Variants in SPATA17 observed in about 807,000 individuals in gnomAD.
The protein encoded by SPATA17 is spermatogenesis-associated protein 17.
In SPATA17, 53 loss-of-function variants were observed where a neutral mutation model predicts 62.2. The ratio of observed to expected loss-of-function variants is 0.85; its 90% CI spans 0.68 to 1.07. SPATA17 has a LOEUF of 1.07. Among genes scored for constraint, SPATA17 ranks in the 50% least tolerant of loss-of-function variants. The pLI is 0.00. For missense variants in SPATA17, 466 were observed against 425.5 expected (o/e 1.10, Z -0.84); for synonymous variants, 146 against 146.8 (o/e 0.99, Z 0.04).
intron 6 of SPATA17, among the ~76,000 whole-genome samples, chr1:217,771,818 G>A (rs1482492758): frequency 1.3e-5 from 2 of 148,586 alleles, no homozygotes; most frequent in Non-Finnish European, 3.0e-5. Context: ...TTCCCATCTA[G>A]CCTATGTATA....
At chr1:217,696,573 A>C (rs1183354616) in intron 5 of SPATA17, among the ~76,000 whole-genome samples, 1 of 152,210 alleles carries the variant, frequency 6.6e-6, no homozygotes, top group African/African-American at 2.4e-5. Flanking sequence ...TTCTAATATA[A>C]TTTTATGTTG....
intron 9 of SPATA17, among the ~76,000 whole-genome samples, chr1:217,837,128 C>T (rs1301518704): frequency 6.6e-6 from 1 of 151,964 alleles, no homozygotes; most frequent in African/African-American, 2.4e-5. Flanking sequence ...TTCTATATGT[C>T]TTCTGCATGA....
intron 5 of SPATA17, among the ~76,000 whole-genome samples, chr1:217,712,133 G>T (rs12729933): frequency 0.65 from 89,983 of 138,210 alleles, 29,616 homozygotes; most frequent in Non-Finnish European, 0.69. Context: ...ATGTTCTTTT[G>T]TTTTTTTTTT....
intron 7 of SPATA17, among the ~76,000 whole-genome samples, chr1:217,778,733 C>G (rs1050702199): frequency 1.3e-5 from 2 of 152,136 alleles, no homozygotes; most frequent in African/African-American, 4.8e-5. Flanking sequence ...ACAATATTCA[C>G]AACATTAACC....
At chr1:217,742,966 A>ATC (rs980135245) in intron 6 of SPATA17, among the ~76,000 whole-genome samples, 1 of 151,064 alleles carries the variant, frequency 6.6e-6, no homozygotes, top group African/African-American at 2.4e-5. Context: ...ATATATATAT[A>ATC]TATTAAATCC....
intron 9 of SPATA17, among the ~76,000 whole-genome samples, chr1:217,820,054 A>C (rs1400385098): frequency 6.6e-6 from 1 of 152,084 alleles, no homozygotes; most frequent in Non-Finnish European, 1.5e-5. Flanking sequence ...AACACCTGTG[A>C]TTGCAGACAA....
chr1:217,701,688 A>T (rs1369089776), intron 5 of SPATA17, among the ~76,000 whole-genome samples: 1 of 152,066 alleles, frequency 6.6e-6, no homozygotes, highest in Non-Finnish European at 1.5e-5. Flanking sequence ...CACCTGGCCT[A>T]TACTATTTTT....
intron 4 of SPATA17, 42 bp downstream of exon 4, chr1:217,669,125 G>T: frequency 6.4e-7 from 1 of 1,568,222 alleles, no homozygotes; most frequent in South Asian, 1.1e-5. Flanking sequence ...AAAGTCAATT[G>T]TGCCCTGAAT....
intron 5 of SPATA17, among the ~76,000 whole-genome samples, chr1:217,726,384 C>A (rs1441397897): frequency 6.6e-6 from 1 of 152,168 alleles, no homozygotes; most frequent in Non-Finnish European, 1.5e-5. Flanking sequence ...CAGTTGTCAA[C>A]CCAATCAGAA....
chr1:217,845,402 C>A (rs751631628), intron 9 of SPATA17, among the ~76,000 whole-genome samples: 29 of 152,190 alleles, frequency 1.9e-4, no homozygotes, highest in Non-Finnish European at 3.8e-4. Flanking sequence ...GCCCAACTCA[C>A]TTGCCCCATT....
At chr1:217,855,801 A>G (rs1675771097) in intron 9 of SPATA17, among the ~76,000 whole-genome samples, 2 of 144,490 alleles carry the variant, frequency 1.4e-5, no homozygotes, top group African/African-American at 5.2e-5. Flanking sequence ...ATCTCAGCTC[A>G]CTGCAACCTC....
At chr1:217,656,570 G>GTATGTAT (rs1670448698) in intron 3 of SPATA17, among the ~76,000 whole-genome samples, 1 of 151,884 alleles carries the variant, frequency 6.6e-6, no homozygotes, top group Non-Finnish European at 1.5e-5. Context: ...ATGTATGTAT[G>GTATGTAT]TATGTATGTA....
At chr1:217,769,422 C>T (rs1264872685) in intron 6 of SPATA17, among the ~76,000 whole-genome samples, 1 of 152,188 alleles carries the variant, frequency 6.6e-6, no homozygotes, top group Admixed American at 6.5e-5. Context: ...TTGAAATACC[C>T]TCTTATCTGC....
intron 4 of SPATA17, 73 bp from the exon 5 acceptor site, chr1:217,683,185 A>G: frequency 9.8e-7 from 1 of 1,025,006 alleles, no homozygotes. Context: ...TAATTACCTT[A>G]ATTTTGAAGT....
intron 9 of SPATA17, among the ~76,000 whole-genome samples, chr1:217,822,488 A>G (rs1022373003): frequency 6.6e-6 from 1 of 150,968 alleles, no homozygotes; most frequent in Non-Finnish European, 1.5e-5. Flanking sequence ...TATCCTGCCT[A>G]GGATTCCTTG....
At chr1:217,765,830 G>A (rs1329480070) in intron 6 of SPATA17, among the ~76,000 whole-genome samples, 1 of 151,906 alleles carries the variant, frequency 6.6e-6, no homozygotes, top group Non-Finnish European at 1.5e-5. Flanking sequence ...CACATATTTT[G>A]ATGCTTTGTT....
In SPATA17 at chr1:217,647,664, C is replaced by G. The variant is rs12403724; in HGVS notation, c.69-1218C>G. On this transcript the variant is annotated intron_variant, in intron 1 of 10. Coordinates refer to ENST00000366933, the MANE Select transcript of SPATA17 (RefSeq NM_138796.4). ...AGAAAAGGACTTTAAGCTGTTCTCC[C>G]TCCCACATGGAGGACAATAATATGA... Among the ~76,000 whole-genome samples, 3 of 152,074 alleles carry G rather than the reference C, an allele frequency of 2.0e-5. No homozygotes were observed. In the South Asian group the frequency reaches 6.2e-4, roughly 32 times the overall value.
At chr1:217,751,626 G>A (rs1012569694) in intron 6 of SPATA17, among the ~76,000 whole-genome samples, 3 of 152,124 alleles carry the variant, frequency 2.0e-5, no homozygotes, top group Non-Finnish European at 4.4e-5. Context: ...GAAAGGGATG[G>A]CATTATTATC....
intron 5 of SPATA17, among the ~76,000 whole-genome samples, chr1:217,687,519 T>A (rs966982442): frequency 6.6e-6 from 1 of 152,260 alleles, no homozygotes; most frequent in Non-Finnish European, 1.5e-5. Flanking sequence ...ACTATACTTT[T>A]ACTGTACCTT....
Sources: allele counts gnomAD v4.1 joint callset (sites outside exome capture counted in the v4.1 genomes callset), GRCh38; gene constraint gnomAD v4.1.1; transcripts MANE v1.5; gene names NCBI Gene and HGNC (gene_info 2026-07-23, HGNC 2026-07-21).